PKP3: variants seen among roughly 807,000 people sequenced by gnomAD.
PKP3 encodes plakophilin 3, also known as plakophilin-3.
A neutral mutation model predicts 76.5 loss-of-function variants in PKP3; 66 were observed. The ratio of observed to expected loss-of-function variants is 0.86; its 90% confidence interval spans 0.71 to 1.06. PKP3 has a LOEUF of 1.06. Ranked by LOEUF, PKP3 falls within the 50% of genes least tolerant of loss-of-function variation. PKP3 has a pLI of 0.00. For synonymous variants in PKP3, 638 were observed against 516.5 expected (o/e 1.24, Z -3.19); for missense variants, 1,338 against 1,141.0 (o/e 1.17, Z -2.49).
At position 400,577 on chromosome 11, in the gene PKP3, C is replaced by A. The variant is rs369216125; in HGVS notation, c.1609C>A (p.Arg537Ser). 2.8e-5 allele frequency: 42 copies of A among 1,483,880 alleles called. No individual in the cohort carries two copies. Among genetic ancestry groups the A allele is most frequent in the South Asian group, 1.8e-4 (14 of 77,744 alleles). 91.9% of individuals were successfully genotyped at this position (1,483,880 alleles called of 1,614,324 possible). ...GTGCGTCCTGCGGAACCTGTCCTAC[C>A]GCCTCTACGACGAGATGCCGCCGTC... ...AVCVLRNLSY[R>S]LYDEMPPSAL... Residue 537 changes from arginine to serine, a missense_variant, in exon 8 of 13, where the codon CGC becomes AGC. Transcript: ENST00000331563.
chr11:404,868 G>C lies in PKP3; in HGVS notation c.*299G>C. 2.1e-6 allele frequency: 1 copy of C among 471,388 alleles called. No homozygotes were observed. 29.2% of individuals were successfully genotyped at this position (471,388 alleles called of 1,614,324 possible). On this transcript the variant is annotated 3_prime_UTR_variant, in exon 13 of 13. Coordinates refer to ENST00000331563, the MANE Select transcript of PKP3 (RefSeq NM_007183.4). This position sits in a 1 kb window ranked among gnomAD's most constrained non-coding sequence, Gnocchi z 4.2. ...TTGGCTGTGGCCTGGCAGTATCTTG[G>C]GATAGCCAGCACTGGGAATAAAGAT...
Position 403,058 on chromosome 11 carries a change from C to G in PKP3, c.1738-20C>G, listed in dbSNP as rs1371984279. ...GACCCGCTCACCCCGACCCCGCCGA[C>G]TCCTCCCCGCCCTGCGCAGCTGCCC... On this transcript the variant is annotated intron_variant, in intron 8 of 12. Transcript: ENST00000331563. 7.4e-7 allele frequency: 1 copy of G among 1,358,406 alleles called. No individual in the cohort carries two copies. The highest frequency in any genetic ancestry group is 9.5e-7 in the Non-Finnish European group (1 of 1,055,236). 84.1% of individuals were successfully genotyped at this position (1,358,406 alleles called of 1,614,324 possible).
rs556348923 is a variant in PKP3, at chr11:404,661, G to A, written c.*92G>A. On this transcript the variant is annotated 3_prime_UTR_variant, in exon 13 of 13. Coordinates refer to ENST00000331563, the MANE Select transcript of PKP3 (RefSeq NM_007183.4). The surrounding 1 kb of genome is among the most constrained non-coding windows in gnomAD (Gnocchi z 4.2). The stretch of plus-strand genomic sequence containing the variant: ...CTTGGCAGCCCAGCCTGGAGGAGAA[G>A]GCTAATGACGGAGGGGCCCCTCGCT... 1 of 1,303,456 alleles carries A rather than the reference G, an allele frequency of 7.7e-7. No homozygotes were observed. The highest frequency in any genetic ancestry group is 2.3e-5 in the East Asian group (1 of 42,642). 80.7% of individuals were successfully genotyped at this position (1,303,456 alleles called of 1,614,324 possible).
rs1205500094 is a variant in PKP3 at position 403,953 on chromosome 11, G to A, written c.2088G>A (p.Val696=). ...CCCGGCCTCCCACAGCCACGAAGGT[G>A]GTGAGCCACCTGATCGAGAAGCTGC... ...ARNKDEMSTK[V]VSHLIEKLPG... Residue 696 remains valine, a synonymous_variant, in exon 11 of 13, where the codon GTG becomes GTA. Transcript: ENST00000331563. The A allele has an allele frequency of 1.2e-6, 2 of 1,601,178 alleles. No individual in the cohort carries two copies. Among genetic ancestry groups the A allele is most frequent in the Non-Finnish European group, 1.7e-6 (2 of 1,172,400 alleles).
upstream of PKP3, among the ~76,000 whole-genome samples, chr11:393,022 G>A (rs1846995344): frequency 6.6e-6 from 1 of 152,030 alleles, no homozygotes; most frequent in African/African-American, 2.4e-5. Flanking sequence ...GAGAAGCAGA[G>A]GCTGTCCGAT....
chr11:400,517 C>A lies in PKP3; in HGVS notation c.1567-18C>A. On this transcript the variant is annotated intron_variant, in intron 7 of 12. Coordinates refer to ENST00000331563, the MANE Select transcript of PKP3 (RefSeq NM_007183.4). ...CGCCGCTCTGACCCGCGCCCCTGCC[C>A]CGCGCCCCCGCCCGCAGAGCGTGGA... The A allele has an allele frequency of 6.7e-7, 1 of 1,492,918 alleles. No homozygotes were observed. The highest frequency in any genetic ancestry group is 8.9e-7 in the Non-Finnish European group (1 of 1,127,212). 92.5% of individuals were successfully genotyped at this position (1,492,918 alleles called of 1,614,324 possible). A position where few individuals can be genotyped will look rare whatever the true frequency, so the allele number is the denominator to read the frequency against.
In PKP3 at chr11:403,653, G is replaced by A; in HGVS notation, c.1959G>A (p.Gln653=). The part of the protein sequence containing the change: ...AGVLSRLALE[Q]ERILNPLLDR... ...TGCTGAGCCGCCTGGCCCTGGAGCA[G>A]GAGCGTATTCTGAACCCCCTGCTAG... is the stretch of plus-strand genomic sequence containing the variant. The change falls in exon 10 of 13, where the codon CAG becomes CAA. Residue 653 remains glutamine, a synonymous_variant. Coordinates refer to ENST00000331563, the MANE Select transcript of PKP3 (RefSeq NM_007183.4). The A allele has an allele frequency of 5.6e-6, 9 of 1,609,242 alleles. No individual in the cohort carries two copies. Among genetic ancestry groups the A allele is most frequent in the Non-Finnish European group, 7.6e-6 (9 of 1,179,834 alleles).
rs200450447 is a variant in PKP3 at position 396,599 on chromosome 11, T to C, written c.233-9T>C. The C allele has an allele frequency of 5.0e-6, 8 of 1,593,202 alleles. No individual in the cohort carries two copies. Among genetic ancestry groups the C allele is most frequent in the Non-Finnish European group, 6.8e-6 (8 of 1,168,768 alleles). ...GGCAGAGCTGGGCTACCACCGTCCC[T>C]CTCCACAGGCACATCCAGGGGGCAG... On this transcript the variant is annotated splice_polypyrimidine_tract_variant and intron_variant, in intron 1 of 12. Transcript: ENST00000331563.
chr11:396,849 AG>A lies in PKP3; in HGVS notation c.349del (p.Ala117ProfsTer11). On this transcript the variant is annotated frameshift_variant, in exon 3 of 13. Transcript: ENST00000331563. LOFTEE classifies it high-confidence loss of function. Reference protein sequence around the residue: ...RPIAKPAYSPASWSSRSAVDL... With the variant: ...RPIAKPAYSPXSWSSRSAVDL... ...CCATCGCCAAGCCGGCCTACAGCCCAGCCTCCTGGTCCTCCCGCTCCGCCGT... is the reference window on the plus strand; with the variant it reads ...CCATCGCCAAGCCGGCCTACAGCCCACCTCCTGGTCCTCCCGCTCCGCCGT... 6.3e-7 allele frequency: 1 copy of A among 1,599,838 alleles called. No homozygotes were observed. The highest frequency in any genetic ancestry group is 8.5e-7 in the Non-Finnish European group (1 of 1,176,560).
chr11:394,289 C>T lies in PKP3; in HGVS notation c.-4C>T, dbSNP rs979536128. On this transcript the variant is annotated 5_prime_UTR_variant, in exon 1 of 13. Coordinates refer to ENST00000331563, the MANE Select transcript of PKP3 (RefSeq NM_007183.4). ...CCAGGCCCAGGCCCGGTGGACCTGC[C>T]GCCATGCAGGACGGTAACTTCCTGC... 1.1e-5 allele frequency: 16 copies of T among 1,503,118 alleles called. 1 individual carries two copies. The African/African-American group carries it at 1.2e-4, about 11-fold the overall frequency. 93.1% of individuals were successfully genotyped at this position (1,503,118 alleles called of 1,614,324 possible). A position where few individuals can be genotyped will look rare whatever the true frequency, so the allele number is the denominator to read the frequency against.
In PKP3 at chr11:400,145, C is replaced by T. The variant is rs749692764; in HGVS notation, c.1448+4C>T. The T allele has an allele frequency of 1.3e-5, 20 of 1,542,340 alleles. No homozygotes were observed. Among genetic ancestry groups the T allele is most frequent in the East Asian group, 1.2e-4 (5 of 43,208 alleles). On this transcript the variant is annotated splice_donor_region_variant and intron_variant, in intron 6 of 12. Coordinates refer to ENST00000331563, the MANE Select transcript of PKP3 (RefSeq NM_007183.4). ...ACAACGCCACCGGCTTCCTCAGGTG[C>T]GCCAGCCTCGGGCAGCGGGGTGGGG...
chr11:399,068 C>T lies in PKP3; in HGVS notation c.1145C>T (p.Thr382Ile). The T allele has an allele frequency of 6.2e-7, 1 of 1,611,384 alleles. No homozygotes were observed. Among genetic ancestry groups the T allele is most frequent in the East Asian group, 2.2e-5 (1 of 44,854 alleles). The part of the protein sequence containing the change: ...HANQEVQRHA[T>I]GAMRNLIYDN... Reference sequence around the variant, plus strand: ...AACCAGGAAGTGCAGCGCCATGCCACAGGTGCCATGCGCAACCTCATCTAC... The same window carrying T: ...AACCAGGAAGTGCAGCGCCATGCCATAGGTGCCATGCGCAACCTCATCTAC... Residue 382 changes from threonine to isoleucine, a missense_variant, in exon 5 of 13, where the codon ACA becomes ATA. Coordinates refer to ENST00000331563, the MANE Select transcript of PKP3 (RefSeq NM_007183.4).
In PKP3 at chr11:403,667, A is replaced by C. The variant is rs1847197497; in HGVS notation, c.1973A>C (p.Asn658Thr). Reference protein sequence around the residue: ...RLALEQERILNPLLDRVRTAD... With the variant: ...RLALEQERILTPLLDRVRTAD... ...GCCCTGGAGCAGGAGCGTATTCTGAACCCCCTGCTAGACCGTGTCAGGACC... is the reference window on the plus strand; with the variant it reads ...GCCCTGGAGCAGGAGCGTATTCTGACCCCCCTGCTAGACCGTGTCAGGACC... Residue 658 changes from asparagine to threonine, a missense_variant, in exon 10 of 13, where the codon AAC (asparagine) becomes ACC (threonine). By Grantham distance (65) the Asn-to-Thr change is moderately conservative. Transcript: ENST00000331563. 1 of 1,609,196 alleles carries C rather than the reference A, an allele frequency of 6.2e-7. No individual in the cohort carries two copies. Among genetic ancestry groups the C allele is most frequent in the Non-Finnish European group, 8.5e-7 (1 of 1,179,596 alleles).
rs143966919 is a variant in PKP3 at position 395,626 on chromosome 11, G to A, written c.233-982G>A. Among the ~76,000 whole-genome samples, 432 of 152,316 alleles carry A rather than the reference G, an allele frequency of 2.8e-3. 3 individuals are homozygous for A. The highest frequency in any genetic ancestry group is 0.01 in the Middle Eastern group (3 of 294). On this transcript the variant is annotated intron_variant, in intron 1 of 12. Transcript: ENST00000331563. ...CCACTCCGGGCTGGGCCTCACGAGC[G>A]TCAGAGGGTTAATAGCCCCGGCCCA... is the stretch of plus-strand genomic sequence containing the variant.
Position 399,680 on chromosome 11 carries a change from G to T in PKP3, c.1274-287G>T, listed in dbSNP as rs573299274. Among the ~76,000 whole-genome samples the T allele has an allele frequency of 2.7e-5, 4 of 148,558 alleles. No homozygotes were observed. The South Asian group carries it at 6.5e-4, about 24-fold the overall frequency. On this transcript the variant is annotated intron_variant, in intron 5 of 12. Transcript: ENST00000331563. ...GTTTCTACTTGGGCCTCCACTGCCCGCCTCTTTCCTGGACCCCCGGCCACC... is the reference window on the plus strand; with the variant it reads ...GTTTCTACTTGGGCCTCCACTGCCCTCCTCTTTCCTGGACCCCCGGCCACC...
upstream of PKP3, chr11:394,114 A>G (rs1239511676): frequency 4.2e-6 from 4 of 960,284 alleles, no homozygotes. Context: ...CCTCCCTCCC[A>G]CCTGGCCAGG....
intron 1 of PKP3, among the ~76,000 whole-genome samples, chr11:394,998 G>A (rs1387804122): frequency 6.6e-6 from 1 of 152,202 alleles, no homozygotes; most frequent in Non-Finnish European, 1.5e-5. Flanking sequence ...GGAAAGCCAG[G>A]CCTGTCTGGA....
chr11:403,126 C>T lies in PKP3; in HGVS notation c.1786C>T (p.Pro596Ser). The T allele has an allele frequency of 6.4e-7, 1 of 1,569,040 alleles. No individual in the cohort carries two copies. Among genetic ancestry groups the T allele is most frequent in the Non-Finnish European group, 8.6e-7 (1 of 1,159,138 alleles). ...ALTFAEVSKD[P>S]KGLEWLWSPQ... Reference sequence around the variant, plus strand: ...CACCTTCGCGGAGGTGTCCAAGGACCCCAAGGGCCTCGAGTGGCTGTGGAG... The same window carrying T: ...CACCTTCGCGGAGGTGTCCAAGGACTCCAAGGGCCTCGAGTGGCTGTGGAG... The change falls in exon 9 of 13, where the codon CCC becomes TCC. Residue 596 changes from proline to serine, a missense_variant. Pro to Ser is a moderately conservative substitution (Grantham distance 74). Coordinates refer to ENST00000331563, the MANE Select transcript of PKP3 (RefSeq NM_007183.4).
chr11:397,021 G>A lies in PKP3; in HGVS notation c.520G>A (p.Ala174Thr). 1 of 1,599,774 alleles carries A rather than the reference G, an allele frequency of 6.3e-7. No individual in the cohort carries two copies. The highest frequency in any genetic ancestry group is 1.1e-5 in the South Asian group (1 of 91,052). ...FHERGGVGSR[A>T]DYDTLSLRSL... The stretch of plus-strand genomic sequence containing the variant: ...TGAGCGCGGTGGGGTTGGGAGCCGG[G>A]CCGACTATGACACACTCTCCCTGCG... Residue 174 changes from alanine (A) to threonine (T), a missense_variant, in exon 3 of 13, where the codon GCC becomes ACC. Ala to Thr is a moderately conservative substitution (Grantham distance 58). Coordinates refer to ENST00000331563, the MANE Select transcript of PKP3 (RefSeq NM_007183.4).
Sources: gnomAD v4.1 joint callset for allele counts (sites outside exome capture counted in the v4.1 genomes callset) on GRCh38, gnomAD v4.1.1 for gene constraint, Gnocchi (gnomAD v3.1) non-coding constraint, MANE v1.5 for transcripts, NCBI Gene and HGNC (gene_info 2026-07-23, HGNC 2026-07-21) for gene names.